NSD3: variants seen among roughly 807,000 people sequenced by gnomAD.
NSD3 encodes nuclear receptor binding SET domain protein 3.
A neutral mutation model predicts 160.8 loss-of-function variants in NSD3; 24 were observed. The observed-to-expected ratio is 0.15, with a 90% CI of 0.11 to 0.21. NSD3 has a LOEUF of 0.21. NSD3 is among the 10% of genes least tolerant of loss of function. The pLI is 1.00. For synonymous variants in NSD3, 520 were observed against 600.0 expected (o/e 0.87, Z 1.95); for missense variants, 1,157 against 1,735.9 (o/e 0.67, Z 5.93).
intron 20 of NSD3, among the ~76,000 whole-genome samples, chr8:38,280,669 T>G (rs982312878): frequency 2.6e-5 from 4 of 152,112 alleles, no homozygotes; most frequent in African/African-American, 9.7e-5. Context: ...ATAATGGATG[T>G]ACTGTGTATC....
chr8:38,375,233 C>T (rs1336016338), intron 1 of NSD3, among the ~76,000 whole-genome samples: 1 of 151,742 alleles, frequency 6.6e-6, no homozygotes, highest in Non-Finnish European at 1.5e-5. Flanking sequence ...CTAAGTAGCC[C>T]TAAATGTAGA....
Position 38,289,269 on chromosome 8 carries a change from G to GGA in NSD3, c.3231+123_3231+124insTC, listed in dbSNP as rs1410889550. On this transcript the variant is annotated intron_variant, in intron 18 of 23. Coordinates refer to ENST00000317025, the MANE Select transcript of NSD3 (RefSeq NM_023034.2). ...AGCAAAAGTTTGCACAAGTCAAAGA[G>GGA]GGTCTTTAACTACTAAAGAGTAATG... The GGA allele has an allele frequency of 1.7e-5, 15 of 877,168 alleles. No homozygotes were observed. In the East Asian group the frequency reaches 2.5e-4, roughly 15 times the overall value. 54.3% of individuals were successfully genotyped at this position (877,168 alleles called of 1,614,324 possible). A position where few individuals can be genotyped will look rare whatever the true frequency, so the allele number is the denominator to read the frequency against.
At chr8:38,308,650 C>T (rs569420516) in intron 12 of NSD3, among the ~76,000 whole-genome samples, 62 of 151,816 alleles carry the variant, frequency 4.1e-4, no homozygotes, top group Admixed American at 6.6e-4. Flanking sequence ...AAGACCCCAT[C>T]TCTACAAAAA....
intron 4 of NSD3, among the ~76,000 whole-genome samples, chr8:38,331,955 T>A (rs546166811): frequency 4.5e-4 from 69 of 152,370 alleles, no homozygotes; most frequent in Middle Eastern, 3.4e-3. Context: ...AGAGACATGG[T>A]CTCACTCTAT....
At chr8:38,323,571 A>C (rs1337405840) in intron 7 of NSD3, among the ~76,000 whole-genome samples, 4 of 152,114 alleles carry the variant, frequency 2.6e-5, no homozygotes, top group Non-Finnish European at 5.9e-5. Context: ...TAATCCCAAC[A>C]CTTCAAGAGG....
chr8:38,276,349 T>C lies in NSD3; in HGVS notation c.4019A>G (p.Asp1340Gly). 1 of 1,614,210 alleles carries C rather than the reference T, an allele frequency of 6.2e-7. No homozygotes were observed. The highest frequency in any genetic ancestry group is 8.5e-7 in the Non-Finnish European group (1 of 1,180,042). The change falls in exon 23 of 24, where the codon GAC becomes GGC. Residue 1340 changes from aspartate (D) to glycine (G), a missense_variant. By Grantham distance (94) the Asp-to-Gly change is moderately conservative (BLOSUM62 -1). This residue lies in a region of NSD3 where 222 missense variants were observed against 409.9 expected (regional missense o/e 0.54). Coordinates refer to ENST00000317025, the MANE Select transcript of NSD3 (RefSeq NM_023034.2). ...TAGGAGGTGGTATGCTTTGGGACAG[T>C]CTTTTTTGTCACACATGACCAGCTC... ...GGELVMCDKK[D>G]CPKAYHLLCL...
chr8:38,302,168 A>C (rs990260392), intron 14 of NSD3, among the ~76,000 whole-genome samples: 8 of 152,240 alleles, frequency 5.3e-5, no homozygotes, highest in African/African-American at 1.7e-4. Flanking sequence ...GAGAAAATCT[A>C]TGTGGAGGGA....
chr8:38,349,260 T>G (rs1296721150), intron 1 of NSD3, among the ~76,000 whole-genome samples: 2 of 152,354 alleles, frequency 1.3e-5, no homozygotes, highest in Admixed American at 1.3e-4. Context: ...ATTTATGTAC[T>G]GATCATCAGT....
chr8:38,344,009 C>A (rs1278773898), intron 2 of NSD3, among the ~76,000 whole-genome samples: 1 of 152,156 alleles, frequency 6.6e-6, no homozygotes, highest in Non-Finnish European at 1.5e-5. Flanking sequence ...GGAAGACATG[C>A]AGAAACACAG....
At chr8:38,350,514 C>T (rs2150385298) in intron 1 of NSD3, among the ~76,000 whole-genome samples, 1 of 152,262 alleles carries the variant, frequency 6.6e-6, no homozygotes, top group East Asian at 1.9e-4. Flanking sequence ...ATATCCTTCG[C>T]CCACTTTTTG....
intron 21 of NSD3, among the ~76,000 whole-genome samples, chr8:38,279,261 G>A (rs1039326940): frequency 1.3e-5 from 2 of 152,192 alleles, no homozygotes; most frequent in African/African-American, 2.4e-5. Flanking sequence ...TGGAGAATTC[G>A]TTCAGCAGGA....
chr8:38,274,572 A>G lies in NSD3; in HGVS notation c.*1069T>C, dbSNP rs1432193162. On this transcript the variant is annotated 3_prime_UTR_variant, in exon 24 of 24. Coordinates refer to ENST00000317025, the MANE Select transcript of NSD3 (RefSeq NM_023034.2). ...CAACCAAAAAGATCTATTCAAATAC[A>G]ATTCAAACTCACTTGTGTGGTTTTA... The G allele has an allele frequency of 6.6e-6, 1 of 152,236 alleles. No individual in the cohort carries two copies. The highest frequency in any genetic ancestry group is 2.4e-5 in the African/African-American group (1 of 41,458). The allele number at this position is 152,236 out of a possible 1,614,324, so 9.4% of individuals were successfully genotyped here.
intron 1 of NSD3, among the ~76,000 whole-genome samples, chr8:38,372,167 G>A (rs1011031723): frequency 6.6e-6 from 1 of 152,160 alleles, no homozygotes; most frequent in African/African-American, 2.4e-5. Context: ...TAACAATATA[G>A]ACAAATCGAC....
chr8:38,350,980 T>TC (rs1449934765), intron 1 of NSD3, among the ~76,000 whole-genome samples: 1 of 151,214 alleles, frequency 6.6e-6, no homozygotes, highest in East Asian at 1.9e-4. Context: ...GTTCTTTTTT[T>TC]TTTTTTTTTG....
At position 38,319,771 on chromosome 8, in the gene NSD3, A is replaced by T. The variant is rs959167560; in HGVS notation, c.1810-831T>A. On this transcript the variant is annotated intron_variant, in intron 8 of 23. Transcript: ENST00000317025. This position sits in a 1 kb window ranked among gnomAD's most constrained non-coding sequence, Gnocchi z 4.1. ...GATTGTTCTAAGCTTTTTAAAAAAAATTTTATTTTTTTTACAACAGGTAAA... is the reference window on the plus strand; with the variant it reads ...GATTGTTCTAAGCTTTTTAAAAAAATTTTTATTTTTTTTACAACAGGTAAA... 9.9e-5 allele frequency: 15 copies of T among 152,204 alleles called. No homozygotes were observed. The highest frequency in any genetic ancestry group is 2.1e-4 in the South Asian group (1 of 4,832). 9.4% of individuals were successfully genotyped at this position (152,204 alleles called of 1,614,324 possible).
chr8:38,323,845 T>A (rs1401799541), intron 7 of NSD3, among the ~76,000 whole-genome samples: 8 of 142,868 alleles, frequency 5.6e-5, no homozygotes, highest in South Asian at 2.2e-4. Context: ...AAAAAAAAAA[T>A]TCAGTAACTT....
In NSD3 at chr8:38,348,025, A is replaced by G; in HGVS notation, c.147T>C (p.Tyr49=). The stretch of plus-strand genomic sequence containing the variant: ...GAAAGCCTTGCTGCAAAGTAGCTTC[A>G]TATGGTGTCTGGCCACCATCTTCAG... ...DIAEDGGQTP[Y]EATLQQGFQY... The change falls in exon 2 of 24, where the codon TAT becomes TAC. Residue 49 remains tyrosine, a synonymous_variant. Coordinates refer to ENST00000317025, the MANE Select transcript of NSD3 (RefSeq NM_023034.2). 6.2e-7 allele frequency: 1 copy of G among 1,614,246 alleles called. No homozygotes were observed. Among genetic ancestry groups the G allele is most frequent in the Non-Finnish European group, 8.5e-7 (1 of 1,180,046 alleles).
At chr8:38,323,594 G>A (rs1302459404) in intron 7 of NSD3, among the ~76,000 whole-genome samples, 20 of 152,150 alleles carry the variant, frequency 1.3e-4, no homozygotes, top group Non-Finnish European at 7.4e-5. Flanking sequence ...AAGACAGGAG[G>A]ATCGTTTGAG....
rs796098057 is a variant in NSD3, at chr8:38,288,159, G to C, written c.3501+328C>G. On this transcript the variant is annotated intron_variant, in intron 19 of 23. Transcript: ENST00000317025. The surrounding 1 kb of genome is among the most constrained non-coding windows in gnomAD (Gnocchi z 4.5). ...AACACGCCACTGTATTCCAGCATGGGTAACAGAATGGGGACCCTGTCTTTA... is the reference window on the plus strand; with the variant it reads ...AACACGCCACTGTATTCCAGCATGGCTAACAGAATGGGGACCCTGTCTTTA... Among the ~76,000 whole-genome samples, 5 of 152,052 alleles carry C rather than the reference G, an allele frequency of 3.3e-5. 1 individual carries two copies. The highest frequency in any genetic ancestry group is 1.2e-4 in the African/African-American group (5 of 41,446).
Sources: allele counts gnomAD v4.1 joint callset (sites outside exome capture counted in the v4.1 genomes callset), GRCh38; gene constraint gnomAD v4.1.1; regional missense constraint gnomAD v4.1.1; non-coding constraint Gnocchi (gnomAD v3.1); transcripts MANE v1.5; gene names NCBI Gene and HGNC (gene_info 2026-07-23, HGNC 2026-07-21).